Variants in MED13L observed in about 807,000 individuals in gnomAD.
The protein encoded by MED13L is mediator of RNA polymerase II transcription subunit 13-like.
MED13L carries 7 observed loss-of-function variants against 220.9 expected under a neutral mutation model. That is an observed-to-expected ratio of 0.03 (90% CI 0.02 to 0.06). The LOEUF (loss-of-function observed/expected upper bound fraction) is 0.06. Among genes scored for constraint, MED13L ranks in the 10% least tolerant of loss-of-function variants. MED13L has a pLI of 1.00. For missense variants in MED13L, 1,965 were observed against 2,760.5 expected (o/e 0.71, Z 6.46); for synonymous variants, 1,011 against 1,015.2 (o/e 1.00, Z 0.08).
chr12:116,129,997 A>C (rs1875935389), intron 2 of MED13L, among the ~76,000 whole-genome samples: 2 of 152,216 alleles, frequency 1.3e-5, no homozygotes, highest in African/African-American at 2.4e-5. Context: ...CCAAAACTTC[A>C]AAGTGCCATT....
intron 2 of MED13L, among the ~76,000 whole-genome samples, chr12:116,160,089 AT>A (rs1157496253): frequency 1.3e-5 from 2 of 152,348 alleles, no homozygotes; most frequent in East Asian, 1.9e-4. Context: ...AACTAAAAAA[AT>A]AATTTATACC....
At chr12:116,273,797 T>C (rs1012808564) in intron 1 of MED13L, among the ~76,000 whole-genome samples, 2 of 152,218 alleles carry the variant, frequency 1.3e-5, no homozygotes, top group Non-Finnish European at 2.9e-5. Context: ...CATATTTAAA[T>C]CTAGTTAAAG....
chr12:116,252,864 TACAG>T (rs957493723), intron 1 of MED13L, among the ~76,000 whole-genome samples: 26 of 152,268 alleles, frequency 1.7e-4, no homozygotes, highest in African/African-American at 5.1e-4. Flanking sequence ...GGGGAATTAT[TACAG>T]ACAATTTTTG....
At chr12:116,031,710 GAAAAGAAAAGAAAAGAAAAGAAAA>G (rs1880787505) in intron 4 of MED13L, among the ~76,000 whole-genome samples, 1 of 36,772 alleles carries the variant, frequency 2.7e-5, no homozygotes, top group African/African-American at 9.7e-5. Context: ...GAAAAGAAAA[GAAAAGAAAAGAAAAGAAAAGAAAA>G]GAAAAGAAAA....
intron 2 of MED13L, among the ~76,000 whole-genome samples, chr12:116,142,801 T>G (rs1374784960): frequency 6.6e-6 from 1 of 152,178 alleles, no homozygotes; most frequent in Non-Finnish European, 1.5e-5. Flanking sequence ...TACACACAAT[T>G]TAAAAGCAAT....
chr12:116,136,399 C>A (rs1385121155), intron 2 of MED13L, among the ~76,000 whole-genome samples: 1 of 152,104 alleles, frequency 6.6e-6, no homozygotes, highest in Non-Finnish European at 1.5e-5. Context: ...CACACAATCT[C>A]AAGGCTAATG....
chr12:116,246,243 C>T (rs1276812851), intron 1 of MED13L, among the ~76,000 whole-genome samples: 1 of 147,594 alleles, frequency 6.8e-6, no homozygotes, highest in Non-Finnish European at 1.5e-5. Context: ...CAGGAAGCTA[C>T]TGGGTGTGTA....
chr12:116,251,308 C>CTTTTTTT (rs61533775), intron 1 of MED13L, among the ~76,000 whole-genome samples: 40 of 87,898 alleles, frequency 4.6e-4, no homozygotes, highest in South Asian at 1.2e-3. Context: ...ATCATGGATC[C>CTTTTTTT]TTTTTTTTTT....
chr12:116,120,471 T>TCA (rs1253496644), intron 2 of MED13L, among the ~76,000 whole-genome samples: 329 of 114,486 alleles, frequency 2.9e-3, no homozygotes, highest in East Asian at 0.015. Flanking sequence ...TCTCTCTCTC[T>TCA]CTCTCTCACA....
chr12:115,971,415 A>G (rs182093052), intron 26 of MED13L, among the ~76,000 whole-genome samples: 91 of 152,360 alleles, frequency 6.0e-4, no homozygotes, highest in South Asian at 5.0e-3. Context: ...GTTGACTTTT[A>G]TAAGGAATAA....
At chr12:116,126,275 G>A (rs1875579651) in intron 2 of MED13L, among the ~76,000 whole-genome samples, 1 of 152,178 alleles carries the variant, frequency 6.6e-6, no homozygotes, top group Non-Finnish European at 1.5e-5. Flanking sequence ...CAGTCGCAGT[G>A]GTGTGAATGA....
At chr12:116,247,457 T>C (rs1037487098) in intron 1 of MED13L, among the ~76,000 whole-genome samples, 1 of 152,226 alleles carries the variant, frequency 6.6e-6, no homozygotes, top group African/African-American at 2.4e-5. Context: ...TTCTCCATTT[T>C]AGACTATTAA....
At chr12:115,969,495 G>A (rs552610978) in intron 27 of MED13L, among the ~76,000 whole-genome samples, 8 of 152,098 alleles carry the variant, frequency 5.3e-5, no homozygotes, top group Non-Finnish European at 8.8e-5. Flanking sequence ...ACCAGAGGCT[G>A]AATGAATGCA....
At chr12:116,072,913 T>TA (rs998606763) in intron 4 of MED13L, among the ~76,000 whole-genome samples, 1 of 152,158 alleles carries the variant, frequency 6.6e-6, no homozygotes, top group African/African-American at 2.4e-5. Context: ...GTTCGTTTGT[T>TA]AAAAAATAGC....
rs778216025 is a variant in MED13L at position 116,031,760 on chromosome 12, G to GAA, written c.480-9161_480-9160dup. 1.6e-3 allele frequency among the ~76,000 whole-genome samples: 159 copies of GAA among 101,052 alleles called. 3 individuals carry two copies. The highest frequency in any genetic ancestry group is 3.0e-3 in the East Asian group (10 of 3,386). The allele number at this position is 101,052 out of a possible 152,430, so 66.3% of individuals were successfully genotyped here. ...GAAAAGAAAAGAAAAGAAAAGAAAA[G>GAA]AAGGAAGGAAGGAAGGAAGGAAGGA... On this transcript the variant is annotated intron_variant, in intron 4 of 30. Transcript: ENST00000281928.
At chr12:116,274,662 G>T (rs771800549) in intron 1 of MED13L, among the ~76,000 whole-genome samples, 1 of 151,372 alleles carries the variant, frequency 6.6e-6, no homozygotes, top group African/African-American at 2.4e-5. Context: ...CAAGTCAGCA[G>T]TTTAATTAAT....
chr12:116,158,737 T>C (rs1878636068), intron 2 of MED13L, among the ~76,000 whole-genome samples: 1 of 152,186 alleles, frequency 6.6e-6, no homozygotes, highest in Admixed American at 6.5e-5. Context: ...ATTGTGGTAA[T>C]GTTGATAATT....
intron 2 of MED13L, among the ~76,000 whole-genome samples, chr12:116,133,327 T>C (rs1471052326): frequency 6.6e-6 from 1 of 152,208 alleles, no homozygotes. Context: ...AAAAGTCCAA[T>C]ATTGAGTTTT....
chr12:116,247,389 A>G (rs920439322), intron 1 of MED13L, among the ~76,000 whole-genome samples: 1 of 152,246 alleles, frequency 6.6e-6, no homozygotes, highest in Non-Finnish European at 1.5e-5. Flanking sequence ...TGTGCTGCAA[A>G]AGCCAAAAGG....
Sources: gnomAD v4.1 joint callset for allele counts (sites outside exome capture counted in the v4.1 genomes callset) on GRCh38, gnomAD v4.1.1 for gene constraint, MANE v1.5 for transcripts, NCBI Gene and HGNC (gene_info 2026-07-23, HGNC 2026-07-21) for gene names.